The following TRA2A variants were observed in gnomAD, a reference collection of about 807,000 sequenced individuals.
TRA2A encodes the protein transformer 2 alpha homolog, also known as transformer-2 protein homolog alpha.
A neutral mutation model predicts 45.7 loss-of-function variants in TRA2A; 31 were observed. The ratio of observed to expected loss-of-function variants is 0.68; its 90% CI spans 0.51 to 0.92. The LOEUF (loss-of-function observed/expected upper bound fraction) is 0.92. TRA2A is among the 40% of genes least tolerant of loss of function. TRA2A has a pLI of 0.00. For missense variants in TRA2A, 304 were observed against 367.5 expected, an observed-to-expected ratio of 0.83 and a Z score of 1.41; for synonymous variants, 132 against 126.2, an observed-to-expected ratio of 1.05 and a Z score of -0.31.
chr7:23,518,016 G>A (rs780402761), intron 2 of TRA2A, among the ~76,000 whole-genome samples: 41 of 151,862 alleles, frequency 2.7e-4, no homozygotes, highest in Non-Finnish European at 5.4e-4. Context: ...TCAGCTCACT[G>A]CAACCTCTCT....
At chr7:23,528,899 T>G (rs1790451797) in intron 1 of TRA2A, among the ~76,000 whole-genome samples, 1 of 152,096 alleles carries the variant, frequency 6.6e-6, no homozygotes, top group African/African-American at 2.4e-5. Flanking sequence ...AAGGAGGCAA[T>G]AAGAAGCGGT....
chr7:23,505,322 G>C lies in TRA2A; in HGVS notation c.*237C>G, dbSNP rs540213239. On this transcript the variant is annotated 3_prime_UTR_variant, in exon 8 of 8. Coordinates refer to ENST00000297071, the MANE Select transcript of TRA2A (RefSeq NM_013293.5). ...TTTACAAAGCATAACATAACATTGG[G>C]GTTCTTTTTATACTCAAGATGTTTA... 2.0e-5 allele frequency: 8 copies of C among 400,786 alleles called. No homozygotes were observed. The highest frequency in any genetic ancestry group is 8.6e-5 in the Admixed American group (2 of 23,230). The allele number at this position is 400,786 out of a possible 1,614,324, so 24.8% of individuals were successfully genotyped here.
At position 23,505,790 on chromosome 7, in the gene TRA2A, T is replaced by C; in HGVS notation, c.794A>G (p.Tyr265Cys). ...TCTTGATCGTGATCTATATCGACTA[T>C]AATAAGGAGAAGGTGATCGTCTTCT... ...RYRRRSPSPY[Y>C]SRYRSRSRSR... Residue 265 changes from tyrosine to cysteine, a missense_variant, in exon 7 of 8, where the codon TAT becomes TGT. Tyr to Cys is a radical substitution (Grantham distance 194). This residue lies in a region of TRA2A where 42 missense variants were observed against 37.0 expected (regional missense o/e 1.14). Coordinates refer to ENST00000297071, the MANE Select transcript of TRA2A (RefSeq NM_013293.5). 1 of 1,561,084 alleles carries C rather than the reference T, an allele frequency of 6.4e-7. No individual in the cohort carries two copies. The highest frequency in any genetic ancestry group is 1.2e-5 in the South Asian group (1 of 81,408).
At chr7:23,523,261 T>C (rs1213685530) in intron 1 of TRA2A, among the ~76,000 whole-genome samples, 1 of 152,180 alleles carries the variant, frequency 6.6e-6, no homozygotes, top group Non-Finnish European at 1.5e-5. Flanking sequence ...CTTCAGTGAC[T>C]ATATTCTATA....
At chr7:23,508,110 C>A (rs142104780) in intron 4 of TRA2A, among the ~76,000 whole-genome samples, 1 of 151,964 alleles carries the variant, frequency 6.6e-6, no homozygotes, top group Admixed American at 6.6e-5. Context: ...CAGTGAGCAG[C>A]CAAGAAGAAA....
intron 1 of TRA2A, 188 bp downstream of exon 1, chr7:23,531,601 G>C: frequency 1.6e-6 from 1 of 628,508 alleles, no homozygotes; most frequent in Non-Finnish European, 2.8e-6. Context: ...AGGGGGAGGG[G>C]TGTTATCCGT....
At chr7:23,508,651 T>A (rs978961102) in intron 4 of TRA2A, among the ~76,000 whole-genome samples, 1 of 152,162 alleles carries the variant, frequency 6.6e-6, no homozygotes, top group Non-Finnish European at 1.5e-5. Context: ...TGCGCCACCA[T>A]GCCCAGCTAA....
chr7:23,528,265 AGTGGCC>A (rs1482324617), intron 1 of TRA2A, among the ~76,000 whole-genome samples: 1 of 152,136 alleles, frequency 6.6e-6, no homozygotes, highest in African/African-American at 2.4e-5. Context: ...GCTGGAGTGC[AGTGGCC>A]GACCTCGGCT....
At chr7:23,516,589 T>C in intron 2 of TRA2A, 61 bp from the exon 3 acceptor site, 1 of 1,494,876 alleles carries the variant, frequency 6.7e-7, no homozygotes, top group South Asian at 1.2e-5. Flanking sequence ...TCCTTCCCTC[T>C]TCCAAGAAGG....
intron 4 of TRA2A, among the ~76,000 whole-genome samples, chr7:23,511,098 G>A (rs184052042): frequency 2.0e-5 from 3 of 152,048 alleles, no homozygotes; most frequent in Non-Finnish European, 4.4e-5. Flanking sequence ...TTGGCCAGGC[G>A]CGGTGGCTCA....
chr7:23,512,000 T>A (rs1789645941), intron 4 of TRA2A, among the ~76,000 whole-genome samples: 1 of 152,224 alleles, frequency 6.6e-6, no homozygotes, highest in South Asian at 2.1e-4. Flanking sequence ...AATGTAATCA[T>A]CTGTTTGGAG....
At chr7:23,507,137 C>CT in intron 5 of TRA2A, 1 of 326,248 alleles carries the variant, frequency 3.1e-6, no homozygotes, top group South Asian at 6.8e-5. Context: ...TGTTTTTTTT[C>CT]TTTTTTGAGA....
chr7:23,506,504 T>C (rs1032284133), intron 5 of TRA2A: 1 of 440,682 alleles, frequency 2.3e-6, no homozygotes, highest in Non-Finnish European at 4.0e-6. Context: ...TTTCTACTAA[T>C]GCACTGCCCA....
At chr7:23,506,985 G>A (rs753921357) in intron 5 of TRA2A, among the ~76,000 whole-genome samples, 7 of 151,948 alleles carry the variant, frequency 4.6e-5, no homozygotes, top group East Asian at 3.9e-4. Context: ...CCGTGGTCCC[G>A]ATCTCGTGAT....
In TRA2A at chr7:23,512,955, C is replaced by T. The variant is rs766248652; in HGVS notation, c.464G>A (p.Arg155Gln). The T allele has an allele frequency of 3.7e-6, 6 of 1,613,838 alleles. No homozygotes were observed. The African/African-American group carries it at 4.0e-5, about 11-fold the overall frequency. ...AGCAAATCCTCGAGATCGCCCAGTT[C>T]GCTGATCATAAACCACATTGACACC... The part of the protein sequence containing the change: ...LSGVNVVYDQ[R>Q]TGRSRGFAFV... Residue 155 changes from arginine to glutamine, a missense_variant, in exon 4 of 8, where the codon CGA (arginine) becomes CAA (glutamine). Arg to Gln is a conservative substitution (Grantham distance 43). Transcript: ENST00000297071.
rs745365376 is a variant in TRA2A, at chr7:23,531,852, T to C, written c.-28A>G. 86 of 1,613,228 alleles carry C rather than the reference T, an allele frequency of 5.3e-5. No homozygotes were observed. Among genetic ancestry groups the C allele is most frequent in the Non-Finnish European group, 6.7e-5 (79 of 1,179,898 alleles). The stretch of plus-strand genomic sequence containing the variant: ...CGACGAGGCGCTCCCCAGAACTAAA[T>C]AAGAGACAAGTCTCGGCTCGAGGGC... On this transcript the variant is annotated 5_prime_UTR_variant, in exon 1 of 8. Transcript: ENST00000297071.
Position 23,521,742 on chromosome 7 carries a change from G to C in TRA2A, c.135C>G (p.His45Gln). 1 of 1,614,122 alleles carries C rather than the reference G, an allele frequency of 6.2e-7. No homozygotes were observed. The highest frequency in any genetic ancestry group is 8.5e-7 in the Non-Finnish European group (1 of 1,180,008). Residue 45 changes from histidine to glutamine, a missense_variant, in exon 2 of 8, where the codon CAC becomes CAG. Transcript: ENST00000297071. Reference protein sequence around the residue: ...GSRSPSRVSKHSESHSRSRSK... With the variant: ...GSRSPSRVSKQSESHSRSRSK... ...ATCTTGATCGAGAATGGGATTCAGA[G>C]TGTTTGGAAACCCTTGATGGACTAC...
chr7:23,507,661 G>C (rs1186556159), intron 4 of TRA2A, 126 bp from the exon 5 acceptor site: 1 of 693,942 alleles, frequency 1.4e-6, no homozygotes, highest in Non-Finnish European at 2.6e-6. Context: ...CAGCAATGTA[G>C]CTTGTACAGG....
intron 4 of TRA2A, among the ~76,000 whole-genome samples, chr7:23,510,869 A>C (rs1164568203): frequency 6.6e-6 from 1 of 152,168 alleles, no homozygotes; most frequent in Non-Finnish European, 1.5e-5. Context: ...AAGACTGACA[A>C]ATTAAGGCAT....
Sources: gnomAD v4.1 joint callset for allele counts (sites outside exome capture counted in the v4.1 genomes callset) on GRCh38, gnomAD v4.1.1 for gene constraint, gnomAD v4.1.1 regional missense constraint, MANE v1.5 for transcripts, NCBI Gene and HGNC (gene_info 2026-07-23, HGNC 2026-07-21) for gene names.